The following CCT8 variants were observed in gnomAD, a reference collection of about 807,000 sequenced individuals.
CCT8 encodes the protein T-complex protein 1 subunit theta.
CCT8 carries 10 observed loss-of-function variants against 65.7 expected under a neutral mutation model. The observed-to-expected ratio is 0.15, with a 90% confidence interval of 0.09 to 0.26. CCT8 has a LOEUF of 0.26. Ranked by LOEUF, CCT8 falls within the 10% of genes least tolerant of loss-of-function variation. The pLI is 1.00. For synonymous variants in CCT8, 199 were observed against 221.8 expected (o/e 0.90, Z 0.92); for missense variants, 568 against 669.1 (o/e 0.85, Z 1.67).
At chr21:29,066,667 C>G in intron 6 of CCT8, 49 bp downstream of exon 6, 2 of 1,165,282 alleles carry the variant, frequency 1.7e-6, no homozygotes, top group African/African-American at 3.2e-5. Flanking sequence ...AAAAAAAGCA[C>G]ACAAAAAAAC....
intron 6 of CCT8, among the ~76,000 whole-genome samples, chr21:29,065,441 C>G (rs2085611402): frequency 6.6e-6 from 1 of 152,180 alleles, no homozygotes; most frequent in Non-Finnish European, 1.5e-5. Flanking sequence ...CAACACAGAA[C>G]AAAGCAAAGA....
intron 7 of CCT8, among the ~76,000 whole-genome samples, chr21:29,064,395 A>G (rs2146431098): frequency 7.5e-6 from 1 of 133,828 alleles, no homozygotes; most frequent in East Asian, 2.5e-4. Context: ...AGCCTGGGTG[A>G]CAAAGCAAGA....
rs61736414 is a variant in CCT8, at chr21:29,063,492, A to G, written c.801T>C (p.Asn267=). Reference sequence around the variant, plus strand: ...TGAGGTTTTCTTCTCCCTTACTAAAATTCATCAATTCTTCAGCAGTCTTTA... The same window carrying G: ...TGAGGTTTTCTTCTCCCTTACTAAAGTTCATCAATTCTTCAGCAGTCTTTA... ...VLIKTAEELM[N]FSKGEENLMD... Residue 267 remains asparagine (N), a synonymous_variant, in exon 8 of 15, where the codon AAT becomes AAC. Transcript: ENST00000286788. The G allele has an allele frequency of 5.7e-5, 92 of 1,613,868 alleles. No individual in the cohort carries two copies. In the African/African-American group the frequency reaches 1.1e-3, roughly 19 times the overall value.
chr21:29,068,713 C>A (rs908265604), intron 3 of CCT8, among the ~76,000 whole-genome samples: 2 of 152,182 alleles, frequency 1.3e-5, no homozygotes, highest in African/African-American at 4.8e-5. Flanking sequence ...GATCCGCCTG[C>A]CTTGACCTCC....
At chr21:29,069,103 C>T (rs1249565889) in intron 3 of CCT8, among the ~76,000 whole-genome samples, 4 of 151,898 alleles carry the variant, frequency 2.6e-5, no homozygotes, top group East Asian at 1.9e-4. Context: ...TATATGTATA[C>T]GTTTTTGCAC....
At chr21:29,072,694 G>C (rs1326016586) in intron 1 of CCT8, among the ~76,000 whole-genome samples, 1 of 152,146 alleles carries the variant, frequency 6.6e-6, no homozygotes, top group Non-Finnish European at 1.5e-5. Context: ...TCTATTTCTT[G>C]AATTAACAAA....
At chr21:29,058,574 C>A (rs2085529546) in intron 14 of CCT8, among the ~76,000 whole-genome samples, 1 of 150,086 alleles carries the variant, frequency 6.7e-6, no homozygotes, top group African/African-American at 2.5e-5. Context: ...GGAGTGACAT[C>A]TGAGAATCTG....
intron 11 of CCT8, among the ~76,000 whole-genome samples, 157 bp downstream of exon 11, chr21:29,061,971 A>G (rs1451213754): frequency 6.6e-6 from 1 of 152,208 alleles, no homozygotes; most frequent in Non-Finnish European, 1.5e-5. Context: ...AACAATGGAC[A>G]CTTAAGTCTT....
At chr21:29,067,444 A>C (rs2085636159) in intron 4 of CCT8, 112 bp downstream of exon 4, 1 of 789,144 alleles carries the variant, frequency 1.3e-6, no homozygotes, top group Non-Finnish European at 1.8e-6. Flanking sequence ...GTACAGAGCA[A>C]ACTGCTCAGT....
chr21:29,060,505 G>T, intron 14 of CCT8, 36 bp downstream of exon 14: 1 of 1,601,404 alleles, frequency 6.2e-7, no homozygotes, highest in Non-Finnish European at 8.6e-7. Context: ...GTATGCAAAT[G>T]AGTATTTTTA....
At position 29,056,571 on chromosome 21, in the gene CCT8, C is replaced by T. The variant is rs754318740; in HGVS notation, c.1570-19G>A. The T allele has an allele frequency of 1.3e-6, 2 of 1,502,970 alleles. No individual in the cohort carries two copies. Among genetic ancestry groups the T allele is most frequent in the African/African-American group, 1.4e-5 (1 of 71,248 alleles). 93.1% of individuals were successfully genotyped at this position (1,502,970 alleles called of 1,614,324 possible). On this transcript the variant is annotated intron_variant, in intron 14 of 14. Transcript: ENST00000286788. Reference sequence around the variant, plus strand: ...TGATGATCTGCATAAAAAAGAATCACACAAGAGTATGCTTATCAACTTAAC... The same window carrying T: ...TGATGATCTGCATAAAAAAGAATCATACAAGAGTATGCTTATCAACTTAAC...
chr21:29,061,772 A>C (rs1025819165), intron 11 of CCT8, among the ~76,000 whole-genome samples: 11 of 152,232 alleles, frequency 7.2e-5, no homozygotes, highest in African/African-American at 2.4e-4. Flanking sequence ...CTGGTGTATG[A>C]AAAGGACCAA....
At position 29,066,882 on chromosome 21, in the gene CCT8, TTTAC is replaced by T. The variant is rs1374981577; in HGVS notation, c.562+5_562+8del. On this transcript the variant is annotated splice_donor_5th_base_variant and intron_variant, in intron 5 of 14. Transcript: ENST00000286788. Reference sequence around the variant, plus strand: ...TTTTGGATCTTTTCATTTACTGATATTTACTTACCGCATGCCTGAGCAATAAGCT... The same window carrying T: ...TTTTGGATCTTTTCATTTACTGATATTTACCGCATGCCTGAGCAATAAGCT... The T allele has an allele frequency of 6.3e-7, 1 of 1,598,378 alleles. No individual in the cohort carries two copies. Among genetic ancestry groups the T allele is most frequent in the Non-Finnish European group, 8.5e-7 (1 of 1,170,440 alleles).
At chr21:29,065,385 G>A (rs2085610860) in intron 6 of CCT8, among the ~76,000 whole-genome samples, 2 of 152,182 alleles carry the variant, frequency 1.3e-5, no homozygotes, top group Admixed American at 1.3e-4. Context: ...CAGTTACCTA[G>A]TACTTGGTGC....
chr21:29,063,250 T>C, intron 8 of CCT8, 102 bp downstream of exon 8: 2 of 885,220 alleles, frequency 2.3e-6, no homozygotes, highest in Non-Finnish European at 3.5e-6. Context: ...GTACCTTTAC[T>C]TTCCCTTTAT....
chr21:29,070,123 T>C, intron 2 of CCT8, 124 bp downstream of exon 2: 1 of 505,704 alleles, frequency 2.0e-6, no homozygotes, highest in South Asian at 4.0e-5. Context: ...GGAAATGAAC[T>C]ATCATTGAGC....
At chr21:29,068,880 T>A (rs534161685) in intron 3 of CCT8, among the ~76,000 whole-genome samples, 23 of 152,328 alleles carry the variant, frequency 1.5e-4, no homozygotes, top group Non-Finnish European at 1.3e-4. Flanking sequence ...TTCCCTGAGG[T>A]TGAATATGTT....
chr21:29,068,725 A>G (rs2085651167), intron 3 of CCT8, among the ~76,000 whole-genome samples: 1 of 152,196 alleles, frequency 6.6e-6, no homozygotes, highest in Non-Finnish European at 1.5e-5. Flanking sequence ...TTGACCTCCC[A>G]AAGTGGTGGG....
intron 8 of CCT8, among the ~76,000 whole-genome samples, chr21:29,063,032 A>G (rs555098247): frequency 1.3e-5 from 2 of 152,348 alleles, no homozygotes; most frequent in East Asian, 3.9e-4. Context: ...TTCATGGATT[A>G]AAAGGGATCT....
Sources: gnomAD v4.1 joint callset for allele counts (sites outside exome capture counted in the v4.1 genomes callset) on GRCh38, gnomAD v4.1.1 for gene constraint, MANE v1.5 for transcripts, NCBI Gene and HGNC (gene_info 2026-07-23, HGNC 2026-07-21) for gene names.